PGBD2: variants seen among roughly 807,000 people sequenced by gnomAD.
The protein encoded by PGBD2 is piggyBac transposable element-derived protein 2.
PGBD2 carries 6 observed loss-of-function variants against 8.1 expected under a neutral mutation model. The ratio of observed to expected loss-of-function variants is 0.74; its 90% CI spans 0.40 to 1.46. The LOEUF is 1.46. Among genes scored for constraint, PGBD2 ranks in the 40% most tolerant of loss-of-function variants. The pLI is 0.02. For missense variants in PGBD2, 802 were observed against 739.0 expected (o/e 1.09, Z -0.99); for synonymous variants, 318 against 272.2 (o/e 1.17, Z -1.66).
chr1:248,883,746 G>A, the PGBD2 span, among the ~76,000 whole-genome samples: 2 of 151,546 alleles, frequency 1.3e-5, no homozygotes, highest in African/African-American at 4.8e-5. Flanking sequence ...ACAGGCGCCC[G>A]CCACGATGCC....
At chr1:248,877,602 C>A in the PGBD2 span, among the ~76,000 whole-genome samples, 1 of 152,078 alleles carries the variant, frequency 6.6e-6, no homozygotes, top group Admixed American at 6.6e-5. Flanking sequence ...AAGAAGAATT[C>A]TATTTAAGGG....
chr1:248,873,900 C>T, the PGBD2 span, among the ~76,000 whole-genome samples: 2 of 152,210 alleles, frequency 1.3e-5, no homozygotes, highest in Non-Finnish European at 2.9e-5. Context: ...AAGGTAAGCA[C>T]CTTGCCTGCG....
the PGBD2 span, among the ~76,000 whole-genome samples, chr1:248,881,038 A>G: frequency 0.23 from 35,201 of 151,962 alleles, 9,741 homozygotes; most frequent in African/African-American, 0.66. Flanking sequence ...GAACCCTGAG[A>G]CTGAGCAGTG....
chr1:248,875,697 A>C, the PGBD2 span, among the ~76,000 whole-genome samples: 1 of 152,138 alleles, frequency 6.6e-6, no homozygotes, highest in Non-Finnish European at 1.5e-5. Flanking sequence ...TCTTTTTCAG[A>C]TCTCCAGGCC....
intron 1 of PGBD2, among the ~76,000 whole-genome samples, chr1:248,911,324 C>G (rs559800460): frequency 1.1e-4 from 16 of 151,128 alleles, no homozygotes; most frequent in Non-Finnish European, 2.2e-4. Context: ...TGACTCTTAA[C>G]GAGCATCCTG....
upstream of PGBD2, among the ~76,000 whole-genome samples, chr1:248,905,457 G>A (rs951931522): frequency 5.3e-5 from 8 of 152,188 alleles, no homozygotes; most frequent in South Asian, 2.1e-4. Context: ...AGAAGTAGGG[G>A]GAGATACTTT....
At chr1:248,895,445 A>G in the PGBD2 span, among the ~76,000 whole-genome samples, 4 of 152,136 alleles carry the variant, frequency 2.6e-5, no homozygotes, top group South Asian at 8.3e-4. Flanking sequence ...ACCTTTAAGA[A>G]TTGGCTCCTG....
rs757766928 is a variant in PGBD2, at chr1:248,917,934, A to G, written c.1350A>G (p.Pro450=). 2.5e-6 allele frequency: 4 copies of G among 1,614,246 alleles called. No individual in the cohort carries two copies. The highest frequency in any genetic ancestry group is 2.5e-6 in the Non-Finnish European group (3 of 1,180,032). ...AAACGCGGACTCAGGTCCACCAGCCATCACTGGTGAAGCTGTATCAGGAGA... is the reference window on the plus strand; with the variant it reads ...AAACGCGGACTCAGGTCCACCAGCCGTCACTGGTGAAGCTGTATCAGGAGA... ...AAKTRTQVHQ[P]SLVKLYQEKV... is the part of the protein sequence containing the mutation. Residue 450 remains proline (P), a synonymous_variant, in exon 3 of 3, where the codon CCA becomes CCG. Transcript: ENST00000329291.
At position 248,916,524 on chromosome 1, in the gene PGBD2, G is replaced by A. The variant is rs1333632911; in HGVS notation, c.18-78G>A. On this transcript the variant is annotated intron_variant, in intron 2 of 2. Transcript: ENST00000329291. ...ATTCAAGTGGAAGTGTTTTATAGTGGGAGCACCCTCCTCTTTTCTGCTGAA... is the reference window on the plus strand; with the variant it reads ...ATTCAAGTGGAAGTGTTTTATAGTGAGAGCACCCTCCTCTTTTCTGCTGAA... The A allele has an allele frequency of 6.3e-6, 8 of 1,279,850 alleles. No individual in the cohort carries two copies. The Middle Eastern group carries it at 6.3e-4, about 101-fold the overall frequency. The allele number at this position is 1,279,850 out of a possible 1,614,324, so 79.3% of individuals were successfully genotyped here. A position where few individuals can be genotyped will look rare whatever the true frequency, so the allele number is the denominator to read the frequency against.
chr1:248,923,019 T>C (rs1662317725), downstream of PGBD2, among the ~76,000 whole-genome samples: 1 of 152,208 alleles, frequency 6.6e-6, no homozygotes, highest in Non-Finnish European at 1.5e-5. Context: ...TTGGAATAGT[T>C]TCAGAAGGAA....
chr1:248,917,425 T>G lies in PGBD2; in HGVS notation c.841T>G (p.Ser281Ala). Residue 281 changes from serine to alanine, a missense_variant, in exon 3 of 3, where the codon TCC (serine) becomes GCC (alanine). By Grantham distance (99) the Ser-to-Ala change is moderately conservative (BLOSUM62 1). Transcript: ENST00000329291. ...GTGTGAGTACTTTGGGCACCGGGGG[T>G]CCAAGCAGCTGCACAGGGGGAAGCC... ...SMCEYFGHRG[S>A]KQLHRGKPVR... The G allele has an allele frequency of 6.2e-7, 1 of 1,613,518 alleles. No individual in the cohort carries two copies. The highest frequency in any genetic ancestry group is 8.5e-7 in the Non-Finnish European group (1 of 1,179,954).
upstream of PGBD2, among the ~76,000 whole-genome samples, chr1:248,901,372 T>A (rs975438801): frequency 1.3e-5 from 2 of 152,188 alleles, no homozygotes; most frequent in Non-Finnish European, 1.5e-5. Context: ...CAAGACAGCA[T>A]GGTACTGGTA....
chr1:248,918,461 A>C lies in PGBD2; in HGVS notation c.*98A>C. 1.6e-6 allele frequency: 2 copies of C among 1,221,186 alleles called. No homozygotes were observed. Among genetic ancestry groups the C allele is most frequent in the Non-Finnish European group, 2.2e-6 (2 of 892,428 alleles). The allele number at this position is 1,221,186 out of a possible 1,614,324, so 75.6% of individuals were successfully genotyped here. Reference sequence around the variant, plus strand: ...TGTTTTGTGTTGGAAAAAAGACCTGAATTTCTAATGACTTGATTTTCTATT... The same window carrying C: ...TGTTTTGTGTTGGAAAAAAGACCTGCATTTCTAATGACTTGATTTTCTATT... On this transcript the variant is annotated 3_prime_UTR_variant, in exon 3 of 3. Transcript: ENST00000329291.
intron 1 of PGBD2, among the ~76,000 whole-genome samples, chr1:248,907,527 T>C (rs750694663): frequency 4.6e-5 from 7 of 151,950 alleles, no homozygotes; most frequent in Admixed American, 6.5e-5. Flanking sequence ...CACGAGGCTG[T>C]ATTTCAGACT....
At chr1:248,876,766 A>G in the PGBD2 span, among the ~76,000 whole-genome samples, 1 of 152,342 alleles carries the variant, frequency 6.6e-6, no homozygotes, top group Admixed American at 6.5e-5. Flanking sequence ...TGGTGTCTCT[A>G]CATCTCTGAA....
chr1:248,891,383 T>A, the PGBD2 span, among the ~76,000 whole-genome samples: 34 of 152,292 alleles, frequency 2.2e-4, no homozygotes, highest in African/African-American at 7.5e-4. Context: ...TGAGAAAATT[T>A]GTGATTGTGA....
At chr1:248,876,531 G>T in the PGBD2 span, among the ~76,000 whole-genome samples, 1 of 152,158 alleles carries the variant, frequency 6.6e-6, no homozygotes, top group South Asian at 2.1e-4. Flanking sequence ...CTTGCATTTT[G>T]TAAAAGAGAT....
At chr1:248,882,358 A>G in the PGBD2 span, among the ~76,000 whole-genome samples, 265 of 152,346 alleles carry the variant, frequency 1.7e-3, no homozygotes, top group African/African-American at 5.9e-3. Flanking sequence ...GTATACAGAG[A>G]TAAGAATTTA....
At chr1:248,903,299 A>G (rs990818768), upstream of PGBD2, among the ~76,000 whole-genome samples, 1 of 152,142 alleles carries the variant, frequency 6.6e-6, no homozygotes, top group Non-Finnish European at 1.5e-5. Context: ...CCTGGGCTCA[A>G]GCAGTCCTCC....
Sources: gnomAD v4.1 joint callset for allele counts (sites outside exome capture counted in the v4.1 genomes callset) on GRCh38, gnomAD v4.1.1 for gene constraint, MANE v1.5 for transcripts, NCBI Gene and HGNC (gene_info 2026-07-23, HGNC 2026-07-21) for gene names.